Variants in SDAD1 observed in about 807,000 individuals in gnomAD.
SDAD1 encodes protein SDA1 homolog.
Under a neutral mutation model 100.3 loss-of-function variants are expected in SDAD1, and 79 were observed. The observed-to-expected ratio is 0.79, with a 90% CI of 0.66 to 0.95. The LOEUF is 0.95. Among genes scored for constraint, SDAD1 ranks in the 40% least tolerant of loss-of-function variants. SDAD1 has a pLI of 0.00. For missense variants in SDAD1, 790 were observed against 810.9 expected (o/e 0.97, Z 0.31); for synonymous variants, 267 against 271.4 (o/e 0.98, Z 0.16).
chr4:75,950,923 A>AT (rs1402050675), intron 21 of SDAD1, 126 bp from the exon 22 acceptor site: 11 of 573,586 alleles, frequency 1.9e-5, no homozygotes, highest in Non-Finnish European at 3.2e-5. Flanking sequence ...ACTATAAATG[A>AT]TAAAATATTC....
Position 75,957,348 on chromosome 4 carries a change from C to G in SDAD1, c.1831G>C (p.Glu611Gln). 1 of 1,614,100 alleles carries G rather than the reference C, an allele frequency of 6.2e-7. No individual in the cohort carries two copies. The highest frequency in any genetic ancestry group is 8.5e-7 in the Non-Finnish European group (1 of 1,180,002). The change falls in exon 20 of 22, where the codon GAG (glutamate) becomes CAG (glutamine). Residue 611 changes from glutamate (E) to glutamine (Q), a missense_variant. Transcript: ENST00000356260. ...RLHKKPKSDK[E>Q]TRLATAMAGK... ...ACCATTGCAGTTGCTAGTCTTGTCT[C>G]TTTGTCAGACTTTGGCTTTTTATGA... is the stretch of plus-strand genomic sequence containing the variant.
Position 75,971,349 on chromosome 4 carries a change from A to T in SDAD1, c.813+8T>A. ...ACTCCTATCTCATTTTCCAGATACA[A>T]GTCCCACCTTGAGCACTTTCATTGC... On this transcript the variant is annotated splice_region_variant and intron_variant, in intron 9 of 21. Transcript: ENST00000356260. 6.3e-7 allele frequency: 1 copy of T among 1,594,126 alleles called. No homozygotes were observed. The highest frequency in any genetic ancestry group is 8.6e-7 in the Non-Finnish European group (1 of 1,162,324).
At chr4:75,984,778 A>AACAC (rs35320227) in intron 1 of SDAD1, among the ~76,000 whole-genome samples, 9,837 of 136,932 alleles carry the variant, frequency 0.072, 475 homozygotes, top group Admixed American at 0.13. Context: ...CACACACACA[A>AACAC]ACACACACAC....
At chr4:75,955,880 G>T in intron 21 of SDAD1, 95 bp downstream of exon 21, 1 of 1,352,028 alleles carries the variant, frequency 7.4e-7, no homozygotes, top group Non-Finnish European at 1.0e-6. Flanking sequence ...ACACAATAAT[G>T]CCCAGTCTTC....
chr4:75,950,869 GT>G, intron 21 of SDAD1, 72 bp from the exon 22 acceptor site: 1 of 1,031,900 alleles, frequency 9.7e-7, no homozygotes, highest in Non-Finnish European at 1.4e-6. Flanking sequence ...TTACATGAAA[GT>G]TTACTAAAAA....
intron 8 of SDAD1, 32 bp from the exon 9 acceptor site, chr4:75,971,490 A>G (rs1578133235): frequency 6.7e-7 from 1 of 1,501,040 alleles, no homozygotes; most frequent in African/African-American, 1.4e-5. Context: ...AAAATTGTAA[A>G]CAAGGAAAAT....
Position 75,977,665 on chromosome 4 carries a change from T to C in SDAD1, c.386A>G (p.His129Arg), listed in dbSNP as rs746467341. 71 of 1,609,402 alleles carry C rather than the reference T, an allele frequency of 4.4e-5. No individual in the cohort carries two copies. The highest frequency in any genetic ancestry group is 5.6e-5 in the Non-Finnish European group (66 of 1,176,596). The change falls in exon 4 of 22, where the codon CAT (histidine) becomes CGT (arginine). Residue 129 changes from histidine (H) to arginine (R), a missense_variant. Transcript: ENST00000356260. ...LELFFELFRCHDKLLRKTLYT... is the reference protein window; with the variant it reads ...LELFFELFRCRDKLLRKTLYT... ...CTTTACCTTTCGCAGAAGTTTATCATGGCAACGAAAAAGTTCAAAGAAGAG... is the reference window on the plus strand; with the variant it reads ...CTTTACCTTTCGCAGAAGTTTATCACGGCAACGAAAAAGTTCAAAGAAGAG...
chr4:75,966,660 T>C (rs1363603195), intron 12 of SDAD1, among the ~76,000 whole-genome samples: 1 of 152,222 alleles, frequency 6.6e-6, no homozygotes, highest in Non-Finnish European at 1.5e-5. Context: ...AATCTTAATA[T>C]CTATTATGAA....
chr4:75,963,376 T>G (rs568057314), intron 14 of SDAD1, among the ~76,000 whole-genome samples: 70 of 152,276 alleles, frequency 4.6e-4, no homozygotes, highest in Non-Finnish European at 4.6e-4. Context: ...ATGTGGGCTC[T>G]TTTTTGGTTC....
intron 1 of SDAD1, among the ~76,000 whole-genome samples, chr4:75,988,644 T>G (rs1731045927): frequency 2.0e-5 from 3 of 152,230 alleles, no homozygotes; most frequent in African/African-American, 7.2e-5. Flanking sequence ...CATAGAATTT[T>G]TATCGGTACA....
At chr4:75,972,292 C>A (rs190348203) in intron 8 of SDAD1, among the ~76,000 whole-genome samples, 32 of 151,968 alleles carry the variant, frequency 2.1e-4, no homozygotes, top group African/African-American at 7.2e-4. Context: ...CCTTTCCATG[C>A]TGTGGAAGCT....
intron 10 of SDAD1, among the ~76,000 whole-genome samples, chr4:75,969,655 G>A (rs753489794): frequency 1.3e-5 from 2 of 152,194 alleles, no homozygotes; most frequent in Non-Finnish European, 2.9e-5. Context: ...TAAAGGGGTA[G>A]TCCACAGACC....
At chr4:75,971,311 C>A in intron 9 of SDAD1, 46 bp downstream of exon 9, 1 of 1,302,074 alleles carries the variant, frequency 7.7e-7, no homozygotes, top group South Asian at 1.2e-5. Context: ...ACAACATATT[C>A]TTCACTCTAA....
At chr4:75,971,128 T>A (rs550854812) in intron 9 of SDAD1, among the ~76,000 whole-genome samples, 1 of 152,226 alleles carries the variant, frequency 6.6e-6, no homozygotes, top group South Asian at 2.1e-4. Flanking sequence ...GCCACCTTGA[T>A]CAGAACAAGT....
chr4:75,971,529 AGCCAC>A, intron 8 of SDAD1, 71 bp from the exon 9 acceptor site: 6 of 1,125,496 alleles, frequency 5.3e-6, no homozygotes, highest in Non-Finnish European at 8.0e-6. Context: ...TAAACCTTTC[AGCCAC>A]TTCTTCGTTC....
At chr4:75,984,755 T>C (rs1015407899) in intron 1 of SDAD1, among the ~76,000 whole-genome samples, 6 of 114,050 alleles carry the variant, frequency 5.3e-5, no homozygotes, top group African/African-American at 2.0e-4. Flanking sequence ...CTTTAAATTA[T>C]GTGACATACA....
At chr4:75,977,197 G>A (rs1423863072) in intron 4 of SDAD1, among the ~76,000 whole-genome samples, 1 of 152,146 alleles carries the variant, frequency 6.6e-6, no homozygotes, top group Non-Finnish European at 1.5e-5. Flanking sequence ...AGTTTTTTGT[G>A]GGGGAGTGGG....
intron 8 of SDAD1, 65 bp from the exon 9 acceptor site, chr4:75,971,523 C>CT: frequency 7.8e-6 from 9 of 1,158,276 alleles, no homozygotes; most frequent in Non-Finnish European, 1.0e-5. Context: ...AAAGAGTAAA[C>CT]CTTTCAGCCA....
intron 17 of SDAD1, among the ~76,000 whole-genome samples, chr4:75,958,823 T>C (rs4859574): frequency 0.8 from 120,337 of 149,624 alleles, 50,703 homozygotes; most frequent in East Asian, 0.94. Context: ...AAAGGCCGGG[T>C]GCAGTGGCTC....
Sources: allele counts gnomAD v4.1 joint callset (sites outside exome capture counted in the v4.1 genomes callset), GRCh38; gene constraint gnomAD v4.1.1; transcripts MANE v1.5; gene names NCBI Gene and HGNC (gene_info 2026-07-23, HGNC 2026-07-21).